Variants in FBXW8 observed in about 807,000 individuals in gnomAD.
The protein encoded by FBXW8 is F-box and WD repeat domain containing 8, also known as F-box/WD repeat-containing protein 8.
In FBXW8, 57 loss-of-function variants were observed where a neutral mutation model predicts 65.3. The ratio of observed to expected loss-of-function variants is 0.87; its 90% CI spans 0.71 to 1.09. The LOEUF (loss-of-function observed/expected upper bound fraction) is 1.09. Among genes scored for constraint, FBXW8 ranks in the 50% least tolerant of loss-of-function variants. FBXW8 has a pLI of 0.00. For synonymous variants in FBXW8, 308 were observed against 330.2 expected (o/e 0.93, Z 0.73); for missense variants, 777 against 814.8 (o/e 0.95, Z 0.57).
intron 8 of FBXW8, among the ~76,000 whole-genome samples, chr12:117,014,982 G>A (rs1204057434): frequency 2.0e-5 from 3 of 152,064 alleles, no homozygotes; most frequent in South Asian, 2.1e-4. Flanking sequence ...TGCCGGCATC[G>A]CCGCCACCAT....
At chr12:116,919,458 A>G (rs1399506847) in intron 1 of FBXW8, among the ~76,000 whole-genome samples, 1 of 152,230 alleles carries the variant, frequency 6.6e-6, no homozygotes, top group East Asian at 1.9e-4. Context: ...TGAAATAGGC[A>G]TGGAACTTAG....
intron 7 of FBXW8, among the ~76,000 whole-genome samples, chr12:116,990,257 G>A (rs897912329): frequency 4.6e-5 from 7 of 152,182 alleles, no homozygotes; most frequent in African/African-American, 1.7e-4. Flanking sequence ...CTCCCCTTGT[G>A]CTGCAAACTT....
intron 7 of FBXW8, among the ~76,000 whole-genome samples, chr12:117,001,661 TC>T (rs1250994053): frequency 1.3e-5 from 2 of 152,200 alleles, no homozygotes; most frequent in African/African-American, 4.8e-5. Context: ...GTGTCAGTGT[TC>T]CTGGCATTTT....
Position 116,936,492 on chromosome 12 carries a change from C to T in FBXW8, c.423+8365C>T, listed in dbSNP as rs1035161463. On this transcript the variant is annotated intron_variant, in intron 2 of 10. Transcript: ENST00000652555. The surrounding 1 kb of genome is among the most constrained non-coding windows in gnomAD (Gnocchi z 4.6). The stretch of plus-strand genomic sequence containing the variant: ...TTATACAGGTGGGTCCAGTGCATTA[C>T]AAGTCTTGTAAGAGGGAGGCAGGAC... Among the ~76,000 whole-genome samples, 20 of 152,216 alleles carry T rather than the reference C, an allele frequency of 1.3e-4. No individual in the cohort carries two copies. The highest frequency in any genetic ancestry group is 4.8e-4 in the African/African-American group (20 of 41,530).
chr12:117,012,972 G>A (rs2135712569), intron 8 of FBXW8, among the ~76,000 whole-genome samples: 1 of 152,230 alleles, frequency 6.6e-6, no homozygotes, highest in South Asian at 2.1e-4. Flanking sequence ...GGGACAGTGA[G>A]CTTAAAGTAA....
intron 8 of FBXW8, among the ~76,000 whole-genome samples, chr12:117,017,005 G>A (rs548966106): frequency 2.0e-5 from 3 of 152,226 alleles, no homozygotes; most frequent in Admixed American, 6.5e-5. Flanking sequence ...CTGTGTTCTG[G>A]CACTACCACG....
chr12:117,022,666 A>G (rs1954128013), intron 8 of FBXW8, among the ~76,000 whole-genome samples: 1 of 152,056 alleles, frequency 6.6e-6, no homozygotes, highest in Non-Finnish European at 1.5e-5. Context: ...TAAAAAAAAT[A>G]ATAAACAACA....
At chr12:116,921,169 T>C (rs1408173908) in intron 1 of FBXW8, among the ~76,000 whole-genome samples, 1 of 152,176 alleles carries the variant, frequency 6.6e-6, no homozygotes, top group Non-Finnish European at 1.5e-5. Context: ...AAGCCTATTC[T>C]CGTAAAAAAA....
rs902071930 is a variant in FBXW8, at chr12:117,028,000, C to A, written c.1653-28C>A. 8 of 1,613,290 alleles carry A rather than the reference C, an allele frequency of 5.0e-6. No homozygotes were observed. The African/African-American group carries it at 9.3e-5, about 19-fold the overall frequency. On this transcript the variant is annotated intron_variant, in intron 10 of 10. Transcript: ENST00000652555. ...GTGAGGGCCAGCGAGGCAGCCCTGA[C>A]CTGTCACCATCTTTGTGCTCTTTCT...
intron 2 of FBXW8, among the ~76,000 whole-genome samples, chr12:116,940,191 G>T (rs958210275): frequency 5.3e-4 from 81 of 152,110 alleles, no homozygotes; most frequent in African/African-American, 1.8e-3. Flanking sequence ...GTGTCAGCCT[G>T]GGGGGTGGGC....
intron 7 of FBXW8, among the ~76,000 whole-genome samples, chr12:116,996,052 C>G (rs141198627): frequency 6.6e-6 from 1 of 152,290 alleles, no homozygotes; most frequent in African/African-American, 2.4e-5. Flanking sequence ...AGGTTGATGA[C>G]GAGCCCCAGG....
chr12:116,945,459 C>T lies in FBXW8; in HGVS notation c.519C>T (p.Asp173=). The T allele has an allele frequency of 6.2e-7, 1 of 1,614,168 alleles. No individual in the cohort carries two copies. Among genetic ancestry groups the T allele is most frequent in the Non-Finnish European group, 8.5e-7 (1 of 1,180,030 alleles). Residue 173 remains aspartate (D), a synonymous_variant, in exon 3 of 11, where the codon GAC becomes GAT. Transcript: ENST00000652555. The part of the protein sequence containing the change: ...EGHLPDSSIS[D]YSCWKLIFQE... Reference sequence around the variant, plus strand: ...ACCTTCCGGATAGCAGCATCTCTGACTATTCTTGCTGGAAGCTCATCTTCC... The same window carrying T: ...ACCTTCCGGATAGCAGCATCTCTGATTATTCTTGCTGGAAGCTCATCTTCC...
At chr12:117,009,388 T>A (rs955009380) in intron 7 of FBXW8, among the ~76,000 whole-genome samples, 2 of 152,106 alleles carry the variant, frequency 1.3e-5, no homozygotes, top group Non-Finnish European at 1.5e-5. Context: ...CAAGACCCTG[T>A]TCCCCCACCC....
At chr12:116,926,622 T>A (rs1255011492) in intron 1 of FBXW8, among the ~76,000 whole-genome samples, 1 of 152,218 alleles carries the variant, frequency 6.6e-6, no homozygotes, top group Non-Finnish European at 1.5e-5. Flanking sequence ...CCCTGAGCCT[T>A]CTAATTACAA....
At chr12:116,956,288 A>T (rs1197544581) in intron 4 of FBXW8, among the ~76,000 whole-genome samples, 1 of 151,998 alleles carries the variant, frequency 6.6e-6, no homozygotes, top group African/African-American at 2.4e-5. Context: ...GAACTGTATC[A>T]TTTGCTGCAA....
intron 7 of FBXW8, among the ~76,000 whole-genome samples, chr12:117,006,496 C>G (rs1208604113): frequency 6.6e-6 from 1 of 152,270 alleles, no homozygotes; most frequent in Non-Finnish European, 1.5e-5. Context: ...CACCTGGATG[C>G]TGCGGGGCCC....
intron 5 of FBXW8, among the ~76,000 whole-genome samples, chr12:116,971,107 T>A (rs1428753333): frequency 6.6e-6 from 1 of 152,200 alleles, no homozygotes; most frequent in Non-Finnish European, 1.5e-5. Flanking sequence ...CTGGGTGTGG[T>A]GGCTCAGGCT....
At chr12:116,913,053 C>T (rs1880119949) in intron 1 of FBXW8, among the ~76,000 whole-genome samples, 1 of 152,162 alleles carries the variant, frequency 6.6e-6, no homozygotes, top group Non-Finnish European at 1.5e-5. Context: ...AGTTTCACCA[C>T]GTGAACTTGA....
chr12:116,939,962 G>A (rs1882444670), intron 2 of FBXW8, among the ~76,000 whole-genome samples: 1 of 152,196 alleles, frequency 6.6e-6, no homozygotes. Context: ...GACCAGACAT[G>A]CCAAAAATAA....
Sources: gnomAD v4.1 joint callset for allele counts (sites outside exome capture counted in the v4.1 genomes callset) on GRCh38, gnomAD v4.1.1 for gene constraint, Gnocchi (gnomAD v3.1) non-coding constraint, MANE v1.5 for transcripts, NCBI Gene and HGNC (gene_info 2026-07-23, HGNC 2026-07-21) for gene names.